MICALL2: variants seen among roughly 807,000 people sequenced by gnomAD.
The protein encoded by MICALL2 is MICAL like 2.
MICALL2 carries 111 observed loss-of-function variants against 91.1 expected under a neutral mutation model. The observed-to-expected ratio is 1.22, with a 90% CI of 1.04 to 1.43. The LOEUF is 1.43. MICALL2 is among the 40% of genes most tolerant of loss of function. The pLI is 0.00. For synonymous variants in MICALL2, 694 were observed against 525.3 expected (o/e 1.32, Z -4.39); for missense variants, 1,556 against 1,236.0 (o/e 1.26, Z -3.88).
intron 6 of MICALL2, among the ~76,000 whole-genome samples, chr7:1,444,063 G>A (rs1321036259): frequency 2.0e-4 from 25 of 124,760 alleles, no homozygotes; most frequent in Non-Finnish European, 3.6e-4. Context: ...CGTGGGTCCC[G>A]CTCGCGACCT....
chr7:1,436,711 C>A (rs1383560608), intron 15 of MICALL2, 31 bp downstream of exon 15: 1 of 1,564,090 alleles, frequency 6.4e-7, no homozygotes, highest in Non-Finnish European at 8.7e-7. Flanking sequence ...CCTGGCCTGG[C>A]TGGGAGGGGC....
intron 4 of MICALL2, among the ~76,000 whole-genome samples, 168 bp downstream of exon 4, chr7:1,447,407 G>A (rs1263917530): frequency 6.6e-6 from 1 of 152,162 alleles, no homozygotes. Flanking sequence ...ATGGAGCCCT[G>A]GAGAGCCCGG....
chr7:1,437,669 C>T (rs1584196561), intron 13 of MICALL2, 61 bp from the exon 14 acceptor site: 7 of 1,501,960 alleles, frequency 4.7e-6, no homozygotes, highest in African/African-American at 2.8e-5. Flanking sequence ...CCTGGCCCGC[C>T]CAGCCCGCAA....
intron 2 of MICALL2, among the ~76,000 whole-genome samples, chr7:1,449,047 A>C (rs946443196): frequency 1.3e-5 from 2 of 152,230 alleles, no homozygotes; most frequent in Non-Finnish European, 2.9e-5. Flanking sequence ...GGAGAATCCC[A>C]GGCCCCACCC....
chr7:1,437,676 G>A (rs1373706481), intron 13 of MICALL2, 68 bp from the exon 14 acceptor site: 26 of 1,476,812 alleles, frequency 1.8e-5, no homozygotes, highest in East Asian at 2.5e-5. Context: ...CGCCCAGCCC[G>A]CAACGAGGTC....
In MICALL2 at chr7:1,448,631, C is replaced by T. The variant is rs1253589309; in HGVS notation, c.323G>A (p.Gly108Asp). Residue 108 changes from glycine to aspartate, a missense_variant, in exon 3 of 17, where the codon GGC becomes GAC. By Grantham distance (94) the Gly-to-Asp change is moderately conservative. Transcript: ENST00000297508. ...CGGCAGGGACTCACTGGGGGAGCGG[C>T]CGTGGAAGTAGTTGTAATACTGGGA... Reference protein sequence around the residue: ...YVSQYYNYFHGRSPIGGMAGV... With the variant: ...YVSQYYNYFHDRSPIGGMAGV... The T allele has an allele frequency of 1.9e-6, 3 of 1,612,596 alleles. No homozygotes were observed. Among genetic ancestry groups the T allele is most frequent in the Admixed American group, 1.7e-5 (1 of 60,024 alleles).
At position 1,434,678 on chromosome 7, in the gene MICALL2, G is replaced by A. The variant is rs1387532836; in HGVS notation, c.2639-6C>T. On this transcript the variant is annotated splice_region_variant and splice_polypyrimidine_tract_variant and intron_variant, in intron 16 of 16. Coordinates refer to ENST00000297508, the MANE Select transcript of MICALL2 (RefSeq NM_182924.4). ...GGACTTCTTCCTCTGGAGGCCTAGG[G>A]GACAGGTGGACAGTGAGGCCGTGCT... 1.9e-6 allele frequency: 3 copies of A among 1,545,382 alleles called. No homozygotes were observed. The highest frequency in any genetic ancestry group is 4.5e-5 in the East Asian group (2 of 44,246).
chr7:1,454,752 C>T (rs908521830), intron 1 of MICALL2, among the ~76,000 whole-genome samples: 1 of 152,136 alleles, frequency 6.6e-6, no homozygotes, highest in African/African-American at 2.4e-5. Flanking sequence ...GAAGTGAGGG[C>T]ACTGCCTGGG....
At chr7:1,440,482 G>A in intron 8 of MICALL2, 109 bp downstream of exon 8, 2 of 960,828 alleles carry the variant, frequency 2.1e-6, no homozygotes, top group Non-Finnish European at 3.3e-6. Context: ...CTCACAGGGA[G>A]GTGCGTCTAT....
In MICALL2 at chr7:1,451,088, C is replaced by T. The variant is rs544465990; in HGVS notation, c.144-800G>A. 6.6e-6 allele frequency among the ~76,000 whole-genome samples: 1 copy of T among 152,232 alleles called. No individual in the cohort carries two copies. Among genetic ancestry groups the T allele is most frequent in the Non-Finnish European group, 1.5e-5 (1 of 67,988 alleles). On this transcript the variant is annotated intron_variant, in intron 1 of 16. Coordinates refer to ENST00000297508, the MANE Select transcript of MICALL2 (RefSeq NM_182924.4). This position sits in a 1 kb window ranked among gnomAD's most constrained non-coding sequence, Gnocchi z 4.5. ...GGTGCTCAGCGAGGGCCCAGCCTCA[C>T]CCCTGACTCGCACACTACACCACAG...
chr7:1,444,225 C>T (rs1477683068), intron 6 of MICALL2, among the ~76,000 whole-genome samples: 4 of 115,082 alleles, frequency 3.5e-5, no homozygotes, highest in South Asian at 3.0e-4. Context: ...CCTGTCCCCG[C>T]GTCCACTCAG....
chr7:1,453,410 C>A (rs1033395147), intron 1 of MICALL2, among the ~76,000 whole-genome samples: 3 of 152,094 alleles, frequency 2.0e-5, no homozygotes, highest in African/African-American at 7.2e-5. Flanking sequence ...AGGAGAGAGG[C>A]CGGGAAGATC....
In MICALL2 at chr7:1,451,486, C is replaced by A. The variant is rs1200139867; in HGVS notation, c.144-1198G>T. On this transcript the variant is annotated intron_variant, in intron 1 of 16. Transcript: ENST00000297508. The surrounding 1 kb of genome is among the most constrained non-coding windows in gnomAD (Gnocchi z 4.5). ...ATTCGAGATCAGCCTGGGTAACACA[C>A]TGAGACCCCGTCTCAGAAAAACAAA... 6.6e-6 allele frequency among the ~76,000 whole-genome samples: 1 copy of A among 152,204 alleles called. No homozygotes were observed. The highest frequency in any genetic ancestry group is 1.5e-5 in the Non-Finnish European group (1 of 68,024).
intron 1 of MICALL2, among the ~76,000 whole-genome samples, chr7:1,453,444 C>T (rs1780907566): frequency 1.3e-5 from 2 of 152,208 alleles, no homozygotes; most frequent in East Asian, 3.9e-4. Context: ...CCAGGAGGGC[C>T]CAGCCCTGCT....
chr7:1,438,737 G>A (rs201350191), intron 10 of MICALL2, 103 bp downstream of exon 10: 3 of 1,506,982 alleles, frequency 2.0e-6, no homozygotes, highest in African/African-American at 1.4e-5. Flanking sequence ...CTCCATTCTA[G>A]GTCCTGTGAA....
At chr7:1,454,178 G>T (rs1048175391) in intron 1 of MICALL2, among the ~76,000 whole-genome samples, 3 of 152,140 alleles carry the variant, frequency 2.0e-5, no homozygotes, top group African/African-American at 2.4e-5. Flanking sequence ...GGGAGGGCGG[G>T]GGGGTGCAGG....
chr7:1,435,523 G>A (rs576480535), intron 15 of MICALL2, among the ~76,000 whole-genome samples: 3 of 148,078 alleles, frequency 2.0e-5, no homozygotes, highest in Admixed American at 6.7e-5. Flanking sequence ...CACAGGTGAT[G>A]TGGGACAGGA....
intron 1 of MICALL2, among the ~76,000 whole-genome samples, chr7:1,454,609 C>T (rs537024926): frequency 5.9e-5 from 9 of 152,306 alleles, no homozygotes; most frequent in East Asian, 3.9e-4. Context: ...TGGAGGGTTC[C>T]GGCCAGAGGC....
Position 1,446,712 on chromosome 7 carries a change from C to A in MICALL2, c.641+1G>T. The A allele has an allele frequency of 6.3e-7, 1 of 1,590,160 alleles. No homozygotes were observed. The highest frequency in any genetic ancestry group is 1.3e-5 in the African/African-American group (1 of 74,366). Reference sequence around the variant, plus strand: ...GGCGTGCGGGCAGAGGGCAGCCCCACCTGAAGCAGCTCCGGTGGTAAAGCC... The same window carrying A: ...GGCGTGCGGGCAGAGGGCAGCCCCAACTGAAGCAGCTCCGGTGGTAAAGCC... On this transcript the variant is annotated splice_donor_variant, in intron 5 of 16. Coordinates refer to ENST00000297508, the MANE Select transcript of MICALL2 (RefSeq NM_182924.4). LOFTEE classifies it high-confidence loss of function.
Sources: allele counts gnomAD v4.1 joint callset (sites outside exome capture counted in the v4.1 genomes callset), GRCh38; gene constraint gnomAD v4.1.1; non-coding constraint Gnocchi (gnomAD v3.1); transcripts MANE v1.5; gene names NCBI Gene and HGNC (gene_info 2026-07-23, HGNC 2026-07-21).